RELN: variants seen among roughly 807,000 people sequenced by gnomAD.
The protein encoded by RELN is reelin.
Under a neutral mutation model 427.6 loss-of-function variants are expected in RELN, and 108 were observed. The ratio of observed to expected loss-of-function variants is 0.25; its 90% CI spans 0.22 to 0.30. The LOEUF is 0.30. RELN is among the 10% of genes least tolerant of loss of function. RELN has a pLI of 1.00. For synonymous variants in RELN, 1,524 were observed against 1,513.4 expected, an observed-to-expected ratio of 1.01 and a Z score of -0.16; for missense variants, 3,715 against 4,302.8, an observed-to-expected ratio of 0.86 and a Z score of 3.82.
intron 6 of RELN, among the ~76,000 whole-genome samples, chr7:103,741,477 T>C (rs952771818): frequency 2.0e-5 from 3 of 151,934 alleles, no homozygotes; most frequent in Non-Finnish European, 4.4e-5. Context: ...ATTATTTTAA[T>C]AATAATAATG....
intron 38 of RELN, among the ~76,000 whole-genome samples, chr7:103,555,375 C>T (rs1368347282): frequency 6.6e-6 from 1 of 152,232 alleles, no homozygotes; most frequent in African/African-American, 2.4e-5. Flanking sequence ...TCACAGGTCT[C>T]TATCTCTAAT....
intron 3 of RELN, among the ~76,000 whole-genome samples, chr7:103,817,457 A>T (rs1792901627): frequency 6.6e-6 from 1 of 152,176 alleles, no homozygotes; most frequent in African/African-American, 2.4e-5. Flanking sequence ...GCAGAGATGG[A>T]GGTGAAAAAG....
At chr7:103,568,711 G>T (rs1029881349) in intron 31 of RELN, among the ~76,000 whole-genome samples, 121 of 152,108 alleles carry the variant, frequency 8.0e-4, no homozygotes, top group African/African-American at 2.8e-3. Flanking sequence ...CAAAATTCAG[G>T]TTTTCTTGTG....
rs941856411 is a variant in RELN at position 103,573,334 on chromosome 7, T to C, written c.4511+758A>G. ...AGTTGCTGATTTAGACTCACTTGGC[T>C]AAATTTTTCACAGCAGGCCTTCAGT... On this transcript the variant is annotated intron_variant, in intron 30 of 64. Transcript: ENST00000428762. The surrounding 1 kb of genome is among the most constrained non-coding windows in gnomAD (Gnocchi z 4.4). Among the ~76,000 whole-genome samples the C allele has an allele frequency of 4.6e-5, 7 of 152,228 alleles. No homozygotes were observed. Among genetic ancestry groups the C allele is most frequent in the Non-Finnish European group, 8.8e-5 (6 of 68,032 alleles).
Position 103,635,490 on chromosome 7 carries a change from A to C in RELN, c.2400T>G (p.Ser800=). 1.9e-6 allele frequency: 3 copies of C among 1,614,082 alleles called. No homozygotes were observed. Among genetic ancestry groups the C allele is most frequent in the Non-Finnish European group, 2.5e-6 (3 of 1,179,938 alleles). The change falls in exon 19 of 65, where the codon TCT becomes TCG. Residue 800 remains serine (S), a synonymous_variant. Coordinates refer to ENST00000428762, the MANE Select transcript of RELN (RefSeq NM_005045.4). ...QPGEGVLLHY[S]YDNGITWKLL... ...GTTTCCAAGTTATCCCATTATCATA[A>C]GAATAATGCAACAAAACTCCTTCAC... is the stretch of plus-strand genomic sequence containing the variant.
At chr7:103,714,253 T>C (rs146803775) in intron 8 of RELN, among the ~76,000 whole-genome samples, 2 of 152,224 alleles carry the variant, frequency 1.3e-5, no homozygotes, top group Non-Finnish European at 2.9e-5. Flanking sequence ...AAAAGTATAA[T>C]TGGTTATTTT....
At chr7:103,877,590 A>T (rs576247201) in intron 2 of RELN, among the ~76,000 whole-genome samples, 1 of 151,988 alleles carries the variant, frequency 6.6e-6, no homozygotes, top group South Asian at 2.1e-4. Flanking sequence ...TCTCGATTCA[A>T]TTCTCCAGAT....
intron 20 of RELN, 112 bp from the exon 21 acceptor site, chr7:103,611,915 A>T: frequency 1.2e-6 from 1 of 855,262 alleles, no homozygotes; most frequent in Non-Finnish European, 1.9e-6. Flanking sequence ...ACTTGTTTAA[A>T]CCTTGCCAAA....
chr7:103,634,810 C>T (rs1015766842), intron 19 of RELN, among the ~76,000 whole-genome samples: 4 of 151,782 alleles, frequency 2.6e-5, no homozygotes, highest in Admixed American at 6.6e-5. Flanking sequence ...ATATTCTATT[C>T]CTGTGTAATA....
At chr7:103,756,045 A>G (rs17155490) in intron 4 of RELN, among the ~76,000 whole-genome samples, 7,293 of 152,262 alleles carry the variant, frequency 0.048, 605 homozygotes, top group African/African-American at 0.17. Context: ...ATGCAATACA[A>G]TAATTAGATA....
intron 2 of RELN, among the ~76,000 whole-genome samples, chr7:103,871,256 A>G (rs1183240887): frequency 3.1e-5 from 2 of 64,530 alleles, no homozygotes; most frequent in African/African-American, 5.4e-5. Flanking sequence ...TTCGAAAAGA[A>G]TAAATGAATG....
chr7:103,846,375 C>A (rs192558773), intron 2 of RELN, among the ~76,000 whole-genome samples: 1 of 152,048 alleles, frequency 6.6e-6, no homozygotes. Flanking sequence ...GCTAGCCATA[C>A]GCAGAAAACT....
chr7:103,473,758 T>C (rs560762085), intron 64 of RELN, among the ~76,000 whole-genome samples: 2 of 152,168 alleles, frequency 1.3e-5, no homozygotes, highest in Non-Finnish European at 2.9e-5. Context: ...TTAAAAAGGA[T>C]TGTGAGCTAT....
At chr7:103,542,988 C>A in intron 42 of RELN, 110 bp from the exon 43 acceptor site, 1 of 1,102,838 alleles carries the variant, frequency 9.1e-7, no homozygotes, top group Non-Finnish European at 1.3e-6. Flanking sequence ...AATATGAAGT[C>A]ATAAATATTA....
chr7:103,591,887 C>G (rs1831424383), intron 27 of RELN, among the ~76,000 whole-genome samples: 1 of 152,072 alleles, frequency 6.6e-6, no homozygotes, highest in Non-Finnish European at 1.5e-5. Context: ...TATTTGTGTA[C>G]CTTCTATGGA....
chr7:103,782,409 A>T (rs557739379), intron 3 of RELN, among the ~76,000 whole-genome samples: 1 of 152,250 alleles, frequency 6.6e-6, no homozygotes, highest in South Asian at 2.1e-4. Context: ...CAACTTCTTT[A>T]ATCACTCTAG....
chr7:103,983,114 T>A (rs1486580232), intron 1 of RELN, among the ~76,000 whole-genome samples: 1 of 152,242 alleles, frequency 6.6e-6, no homozygotes, highest in African/African-American at 2.4e-5. Flanking sequence ...TATCTAATTA[T>A]CTTAGCTTTG....
At chr7:103,860,394 T>C (rs1794044847) in intron 2 of RELN, among the ~76,000 whole-genome samples, 1 of 152,174 alleles carries the variant, frequency 6.6e-6, no homozygotes, top group African/African-American at 2.4e-5. Flanking sequence ...TATTGTTCCT[T>C]TGATAGTACT....
chr7:103,652,223 G>A (rs868649484), intron 14 of RELN, among the ~76,000 whole-genome samples: 1 of 150,564 alleles, frequency 6.6e-6, no homozygotes, highest in Non-Finnish European at 1.5e-5. Flanking sequence ...GTCACCAGCC[G>A]ACAGGAGGTC....
Sources: gnomAD v4.1 joint callset for allele counts (sites outside exome capture counted in the v4.1 genomes callset) on GRCh38, gnomAD v4.1.1 for gene constraint, Gnocchi (gnomAD v3.1) non-coding constraint, MANE v1.5 for transcripts, NCBI Gene and HGNC (gene_info 2026-07-23, HGNC 2026-07-21) for gene names.